The following BMPR1B variants were observed in gnomAD, a reference collection of about 807,000 sequenced individuals.
The protein encoded by BMPR1B is bone morphogenetic protein receptor type 1B.
A neutral mutation model predicts 59.1 loss-of-function variants in BMPR1B; 12 were observed. That is an observed-to-expected ratio of 0.20 (90% CI 0.13 to 0.33). The LOEUF is 0.33. BMPR1B is among the 10% of genes least tolerant of loss of function. The pLI, the probability that BMPR1B is intolerant of heterozygous loss-of-function variation, is 1.00. For missense variants in BMPR1B, 550 were observed against 610.9 expected (o/e 0.90, Z 1.05); for synonymous variants, 237 against 207.3 (o/e 1.14, Z -1.23).
rs974829353 is a variant in BMPR1B at position 95,156,831 on chromosome 4, A to T, written c.*2158A>T. ...CTAGAAGGAATATATGGTTAGAACT[A>T]AGTGTGACTAATCATCTGAGCCTTG... On this transcript the variant is annotated 3_prime_UTR_variant, in exon 13 of 13. Transcript: ENST00000515059. The T allele has an allele frequency of 6.6e-6, 1 of 152,186 alleles. No homozygotes were observed. Among genetic ancestry groups the T allele is most frequent in the Non-Finnish European group, 1.5e-5 (1 of 67,996 alleles). 9.4% of individuals were successfully genotyped at this position (152,186 alleles called of 1,614,324 possible).
intron 1 of BMPR1B, among the ~76,000 whole-genome samples, chr4:94,779,078 G>GT (rs753821837): frequency 6.6e-6 from 1 of 151,886 alleles, no homozygotes; most frequent in Non-Finnish European, 1.5e-5. Flanking sequence ...TTTGTGCCTT[G>GT]TTTAAATCAT....
At chr4:95,137,027 TG>T (rs1473194018) in intron 10 of BMPR1B, among the ~76,000 whole-genome samples, 2 of 152,230 alleles carry the variant, frequency 1.3e-5, no homozygotes, top group African/African-American at 4.8e-5. Context: ...AGATCTTTCC[TG>T]CTTTCTTTTG....
At chr4:94,921,572 AC>A (rs1728689211) in intron 2 of BMPR1B, among the ~76,000 whole-genome samples, 1 of 151,992 alleles carries the variant, frequency 6.6e-6, no homozygotes, top group Admixed American at 6.6e-5. Flanking sequence ...CTTTTAAACA[AC>A]CGCATCTCAT....
intron 3 of BMPR1B, among the ~76,000 whole-genome samples, chr4:95,021,258 C>T (rs942973357): frequency 1.3e-5 from 2 of 152,114 alleles, no homozygotes; most frequent in African/African-American, 2.4e-5. Context: ...GAAGAAAGTA[C>T]AGTACTTACT....
chr4:95,040,537 A>G (rs1253565277), intron 3 of BMPR1B, among the ~76,000 whole-genome samples: 2 of 152,160 alleles, frequency 1.3e-5, no homozygotes. Context: ...AGAGATTTTG[A>G]TTTTCTGCTT....
rs892250594 is a variant in BMPR1B, at chr4:95,154,727, T to C, written c.*54T>C. On this transcript the variant is annotated 3_prime_UTR_variant, in exon 13 of 13. Coordinates refer to ENST00000515059, the MANE Select transcript of BMPR1B (RefSeq NM_001203.3). Reference sequence around the variant, plus strand: ...GAAAGCCAACAGGTACTCTTCTGTTTGTGGGCAGAGCAAAAGACATCAAAT... The same window carrying C: ...GAAAGCCAACAGGTACTCTTCTGTTCGTGGGCAGAGCAAAAGACATCAAAT... 1.9e-6 allele frequency: 3 copies of C among 1,606,594 alleles called. No individual in the cohort carries two copies. In the African/African-American group the frequency reaches 4.0e-5, roughly 22 times the overall value.
rs58655577 is a variant in BMPR1B at position 94,845,385 on chromosome 4, C to T, written c.-182-30446C>T. On this transcript the variant is annotated intron_variant, in intron 1 of 12. Coordinates refer to ENST00000515059, the MANE Select transcript of BMPR1B (RefSeq NM_001203.3). Reference sequence around the variant, plus strand: ...TAAGATGGAGTCTCACTCTGTCGCCCAGGCTGGAGTGCAGTGGCGCGATCT... The same window carrying T: ...TAAGATGGAGTCTCACTCTGTCGCCTAGGCTGGAGTGCAGTGGCGCGATCT... 3.4e-3 allele frequency among the ~76,000 whole-genome samples: 519 copies of T among 150,832 alleles called. 15 individuals are homozygous for T. In the South Asian group the frequency reaches 0.055, roughly 16 times the overall value.
chr4:94,788,345 A>G (rs951746904), intron 1 of BMPR1B, among the ~76,000 whole-genome samples: 1 of 152,172 alleles, frequency 6.6e-6, no homozygotes, highest in Non-Finnish European at 1.5e-5. Context: ...TACTGGGGAC[A>G]GGGAGGAGTA....
intron 2 of BMPR1B, among the ~76,000 whole-genome samples, chr4:94,955,698 C>T (rs1042409146): frequency 9.0e-5 from 10 of 111,522 alleles, no homozygotes; most frequent in South Asian, 3.5e-4. Context: ...GGCACAGTCT[C>T]GGCTCACTGA....
At chr4:95,054,665 CAG>C (rs987871005) in intron 3 of BMPR1B, among the ~76,000 whole-genome samples, 3 of 152,038 alleles carry the variant, frequency 2.0e-5, no homozygotes, top group African/African-American at 7.2e-5. Context: ...AATGTGTAAA[CAG>C]TACTAAAATA....
chr4:94,764,310 G>T (rs1034523965), intron 1 of BMPR1B, among the ~76,000 whole-genome samples: 2 of 152,092 alleles, frequency 1.3e-5, no homozygotes, highest in Non-Finnish European at 2.9e-5. Context: ...TTATTTCCTT[G>T]GCTCCCTTTT....
chr4:94,796,655 A>G (rs765549497), intron 1 of BMPR1B, among the ~76,000 whole-genome samples: 6 of 151,986 alleles, frequency 3.9e-5, no homozygotes, highest in Non-Finnish European at 5.9e-5. Flanking sequence ...AAATTTCCCC[A>G]TGAGGTGTTT....
intron 7 of BMPR1B, 100 bp downstream of exon 7, chr4:95,124,006 T>G: frequency 1.3e-6 from 1 of 781,004 alleles, no homozygotes; most frequent in Non-Finnish European, 2.2e-6. Flanking sequence ...CACAGCTTTA[T>G]TTATCTTAAT....
At chr4:94,779,668 T>TA (rs541898978) in intron 1 of BMPR1B, among the ~76,000 whole-genome samples, 99 of 152,150 alleles carry the variant, frequency 6.5e-4, no homozygotes, top group African/African-American at 2.3e-3. Flanking sequence ...CTGTCTTTAC[T>TA]AAAAATACAA....
At chr4:94,993,643 C>G (rs1414133087) in intron 2 of BMPR1B, among the ~76,000 whole-genome samples, 1 of 151,496 alleles carries the variant, frequency 6.6e-6, no homozygotes, top group Middle Eastern at 3.2e-3. Context: ...TGCCTGTTGT[C>G]CTAGCTACTT....
intron 2 of BMPR1B, among the ~76,000 whole-genome samples, chr4:94,888,987 T>A (rs1011960): frequency 0.066 from 10,052 of 151,976 alleles, 474 homozygotes; most frequent in Middle Eastern, 0.16. Flanking sequence ...ATTTCAATAG[T>A]TTTTATAAAT....
At chr4:94,776,745 T>C (rs955424815) in intron 1 of BMPR1B, among the ~76,000 whole-genome samples, 1 of 152,180 alleles carries the variant, frequency 6.6e-6, no homozygotes, top group African/African-American at 2.4e-5. Context: ...ACTACATTGC[T>C]ATGTCTTGGT....
chr4:95,025,148 T>A (rs940862039), intron 3 of BMPR1B, among the ~76,000 whole-genome samples: 18 of 152,134 alleles, frequency 1.2e-4, no homozygotes, highest in Admixed American at 1.2e-3. Context: ...AAATTAGTTT[T>A]GGGTGTGTGG....
At chr4:95,076,466 T>G (rs1031244779) in intron 3 of BMPR1B, among the ~76,000 whole-genome samples, 4 of 152,040 alleles carry the variant, frequency 2.6e-5, no homozygotes, top group African/African-American at 9.7e-5. Flanking sequence ...AACAATGAAG[T>G]TTTTGAAGAT....
Sources: gnomAD v4.1 joint callset for allele counts (sites outside exome capture counted in the v4.1 genomes callset) on GRCh38, gnomAD v4.1.1 for gene constraint, MANE v1.5 for transcripts, NCBI Gene and HGNC (gene_info 2026-07-23, HGNC 2026-07-21) for gene names.